Variants in VWC2 observed in about 807,000 individuals in gnomAD.
VWC2 encodes von Willebrand factor C domain containing 2, also known as brorin.
In VWC2, 14 loss-of-function variants were observed where a neutral mutation model predicts 29.8. That is an observed-to-expected ratio of 0.47 (90% CI 0.31 to 0.74). VWC2 has a LOEUF of 0.74. VWC2 is among the 30% of genes least tolerant of loss of function. The pLI is 0.05. For missense variants in VWC2, 457 were observed against 459.8 expected (o/e 0.99, Z 0.05); for synonymous variants, 213 against 199.0 (o/e 1.07, Z -0.59).
Position 49,915,963 on chromosome 7 carries a change from C to T in VWC2, c.*3778C>T, listed in dbSNP as rs945436666. 6.6e-6 allele frequency: 1 copy of T among 152,140 alleles called. No homozygotes were observed. The highest frequency in any genetic ancestry group is 1.5e-5 in the Non-Finnish European group (1 of 68,034). The allele number at this position is 152,140 out of a possible 1,614,324, so 9.4% of individuals were successfully genotyped here. A position where few individuals can be genotyped will look rare whatever the true frequency, so the allele number is the denominator to read the frequency against. Reference sequence around the variant, plus strand: ...AGTAGCATCTGATGGTTGATACAGTCAGTAACTATTCTGAAGAATCAGATT... The same window carrying T: ...AGTAGCATCTGATGGTTGATACAGTTAGTAACTATTCTGAAGAATCAGATT... On this transcript the variant is annotated 3_prime_UTR_variant, in exon 4 of 4. Transcript: ENST00000340652.
intron 3 of VWC2, among the ~76,000 whole-genome samples, chr7:49,805,512 C>T (rs1788857193): frequency 6.6e-6 from 1 of 152,126 alleles, no homozygotes; most frequent in African/African-American, 2.4e-5. Flanking sequence ...TCAGCTGTCT[C>T]TAGTTATAGG....
chr7:49,829,537 C>T (rs1255017035), intron 3 of VWC2, among the ~76,000 whole-genome samples: 1 of 152,226 alleles, frequency 6.6e-6, no homozygotes, highest in Admixed American at 6.5e-5. Context: ...TTTGTTGAAG[C>T]TCATGGGAAA....
chr7:49,812,818 T>G (rs923711161), intron 3 of VWC2, among the ~76,000 whole-genome samples: 1 of 152,222 alleles, frequency 6.6e-6, no homozygotes, highest in African/African-American at 2.4e-5. Flanking sequence ...GAAGCTCAGC[T>G]GTTTGTGATT....
intron 3 of VWC2, among the ~76,000 whole-genome samples, chr7:49,897,039 G>T (rs994304579): frequency 6.2e-4 from 94 of 152,062 alleles, no homozygotes; most frequent in African/African-American, 2.2e-3. Context: ...GGGACTACAG[G>T]CGCCCGCCAC....
At chr7:49,857,427 T>C (rs2128718903) in intron 3 of VWC2, among the ~76,000 whole-genome samples, 1 of 152,342 alleles carries the variant, frequency 6.6e-6, no homozygotes, top group East Asian at 1.9e-4. Context: ...CATTCATCCA[T>C]CTGTCCAGGG....
chr7:49,917,112 C>T lies in VWC2; in HGVS notation c.*4927C>T, dbSNP rs926158044. 2.0e-5 allele frequency: 3 copies of T among 152,148 alleles called. No individual in the cohort carries two copies. Among genetic ancestry groups the T allele is most frequent in the Non-Finnish European group, 2.9e-5 (2 of 68,028 alleles). 9.4% of individuals were successfully genotyped at this position (152,148 alleles called of 1,614,324 possible). Reference sequence around the variant, plus strand: ...ATTTCTGTGTGTTTTAATCTTTCTACATAACATAATTAAACACCTCAGTAG... The same window carrying T: ...ATTTCTGTGTGTTTTAATCTTTCTATATAACATAATTAAACACCTCAGTAG... On this transcript the variant is annotated 3_prime_UTR_variant, in exon 4 of 4. Transcript: ENST00000340652.
intron 3 of VWC2, among the ~76,000 whole-genome samples, chr7:49,849,578 T>A (rs1790093715): frequency 6.6e-6 from 1 of 152,230 alleles, no homozygotes; most frequent in Non-Finnish European, 1.5e-5. Flanking sequence ...ACACGCTGCC[T>A]CTTTTTGTTT....
At chr7:49,910,434 G>A (rs546223370) in intron 3 of VWC2, among the ~76,000 whole-genome samples, 35 of 152,248 alleles carry the variant, frequency 2.3e-4, no homozygotes, top group African/African-American at 8.2e-4. Flanking sequence ...AGCAAAGAAG[G>A]GAGGAGAATG....
At chr7:49,908,348 C>T (rs1355353127) in intron 3 of VWC2, among the ~76,000 whole-genome samples, 1 of 152,094 alleles carries the variant, frequency 6.6e-6, no homozygotes, top group Non-Finnish European at 1.5e-5. Context: ...GGGGTCCATT[C>T]AATTGGTGAG....
chr7:49,875,444 A>G (rs1039311823), intron 3 of VWC2, among the ~76,000 whole-genome samples: 8 of 151,826 alleles, frequency 5.3e-5, no homozygotes, highest in Non-Finnish European at 1.0e-4. Flanking sequence ...ATAGGAAAAA[A>G]AAAAGTATTT....
intron 3 of VWC2, among the ~76,000 whole-genome samples, chr7:49,828,982 C>G (rs550967568): frequency 6.6e-6 from 1 of 152,178 alleles, no homozygotes; most frequent in Non-Finnish European, 1.5e-5. Flanking sequence ...TTCCTTCCCA[C>G]GGAACCCACA....
intron 3 of VWC2, among the ~76,000 whole-genome samples, chr7:49,861,873 A>C (rs900509036): frequency 1.3e-5 from 2 of 152,230 alleles, no homozygotes; most frequent in East Asian, 3.8e-4. Context: ...TTATGCCAGT[A>C]CCACACTGTT....
intron 3 of VWC2, among the ~76,000 whole-genome samples, chr7:49,893,207 T>G (rs1258021789): frequency 1.3e-5 from 2 of 152,106 alleles, no homozygotes; most frequent in African/African-American, 2.4e-5. Flanking sequence ...TAAATCAACT[T>G]GAAAGGATTG....
intron 3 of VWC2, among the ~76,000 whole-genome samples, chr7:49,858,972 G>C (rs1167908788): frequency 2.6e-5 from 4 of 152,174 alleles, no homozygotes; most frequent in African/African-American, 9.7e-5. Flanking sequence ...GAATATGTCA[G>C]GATATATTCA....
chr7:49,866,084 C>T (rs779550098), intron 3 of VWC2, among the ~76,000 whole-genome samples: 1 of 152,088 alleles, frequency 6.6e-6, no homozygotes, highest in Non-Finnish European at 1.5e-5. Flanking sequence ...AAATGTGAAA[C>T]GGTTTCATTC....
rs985476156 is a variant in VWC2 at position 49,916,167 on chromosome 7, A to G, written c.*3982A>G. On this transcript the variant is annotated 3_prime_UTR_variant, in exon 4 of 4. Transcript: ENST00000340652. ...CTTCAGTCTATTATTTTAGTTTTCT[A>G]AATGTAGATCTAGTTTTCAACTGAA... is the stretch of plus-strand genomic sequence containing the variant. 1 of 152,210 alleles carries G rather than the reference A, an allele frequency of 6.6e-6. No individual in the cohort carries two copies. The highest frequency in any genetic ancestry group is 2.4e-5 in the African/African-American group (1 of 41,452). 9.4% of individuals were successfully genotyped at this position (152,210 alleles called of 1,614,324 possible). A position where few individuals can be genotyped will look rare whatever the true frequency, so the allele number is the denominator to read the frequency against.
intron 3 of VWC2, among the ~76,000 whole-genome samples, chr7:49,848,659 T>C (rs1346756715): frequency 6.6e-6 from 1 of 152,268 alleles, no homozygotes; most frequent in Non-Finnish European, 1.5e-5. Context: ...TATAAATCAT[T>C]GACTGTCGTT....
At chr7:49,801,204 A>G (rs1788729318) in intron 2 of VWC2, among the ~76,000 whole-genome samples, 2 of 152,210 alleles carry the variant, frequency 1.3e-5, no homozygotes, top group South Asian at 4.1e-4. Flanking sequence ...TTGTATAGAC[A>G]AAGGGAGCAT....
At chr7:49,796,370 G>A (rs1788590190) in intron 2 of VWC2, among the ~76,000 whole-genome samples, 1 of 152,112 alleles carries the variant, frequency 6.6e-6, no homozygotes, top group Non-Finnish European at 1.5e-5. Context: ...TCTAGCTGCC[G>A]AAAGCCAGTG....
Sources: allele counts gnomAD v4.1 joint callset (sites outside exome capture counted in the v4.1 genomes callset), GRCh38; gene constraint gnomAD v4.1.1; transcripts MANE v1.5; gene names NCBI Gene and HGNC (gene_info 2026-07-23, HGNC 2026-07-21).